GALNT10: variants seen among roughly 807,000 people sequenced by gnomAD.
GALNT10 encodes the protein polypeptide N-acetylgalactosaminyltransferase 10, also known as GalNAc transferase 10.
In GALNT10, 41 loss-of-function variants were observed where a neutral mutation model predicts 75.0. The ratio of observed to expected loss-of-function variants is 0.55; its 90% confidence interval spans 0.43 to 0.71. The LOEUF (loss-of-function observed/expected upper bound fraction) is 0.71. Ranked by LOEUF, GALNT10 falls within the 30% of genes least tolerant of loss-of-function variation. The pLI is 0.00. For synonymous variants in GALNT10, 302 were observed against 313.0 expected (o/e 0.96, Z 0.37); for missense variants, 727 against 818.5 (o/e 0.89, Z 1.36).
chr5:154,390,472 TGGA>T (rs934037559), intron 7 of GALNT10, among the ~76,000 whole-genome samples: 4 of 152,266 alleles, frequency 2.6e-5, no homozygotes, highest in Non-Finnish European at 5.9e-5. Context: ...AATACTACGT[TGGA>T]GGAGTCTGAG....
At chr5:154,236,890 A>G (rs1753256343) in intron 1 of GALNT10, among the ~76,000 whole-genome samples, 1 of 152,136 alleles carries the variant, frequency 6.6e-6, no homozygotes, top group South Asian at 2.1e-4. Flanking sequence ...TCCACATACC[A>G]CAGTTGGAAG....
intron 1 of GALNT10, among the ~76,000 whole-genome samples, chr5:154,226,403 A>G (rs774013562): frequency 2.4e-4 from 37 of 152,198 alleles, no homozygotes; most frequent in Non-Finnish European, 4.6e-4. Context: ...TCTTGATAGC[A>G]AACTCTCCAT....
At chr5:154,207,910 A>G (rs1291825882) in intron 1 of GALNT10, among the ~76,000 whole-genome samples, 1 of 152,168 alleles carries the variant, frequency 6.6e-6, no homozygotes, top group Non-Finnish European at 1.5e-5. Flanking sequence ...TTGGGTGACC[A>G]GATTTGCTTT....
chr5:154,337,150 G>C (rs1467088107), intron 4 of GALNT10, among the ~76,000 whole-genome samples: 1 of 151,966 alleles, frequency 6.6e-6, no homozygotes. Flanking sequence ...TTTATTCAGC[G>C]TCATGATCAG....
At chr5:154,366,200 G>A (rs1459439392) in intron 4 of GALNT10, among the ~76,000 whole-genome samples, 1 of 152,200 alleles carries the variant, frequency 6.6e-6, no homozygotes, top group Non-Finnish European at 1.5e-5. Flanking sequence ...CTGTCTTCTT[G>A]TAGTCAGCCT....
At chr5:154,332,810 C>T (rs1754887160) in intron 4 of GALNT10, among the ~76,000 whole-genome samples, 1 of 152,146 alleles carries the variant, frequency 6.6e-6, no homozygotes, top group Non-Finnish European at 1.5e-5. Flanking sequence ...TTTTCAGGCT[C>T]GGGTCCCTGT....
intron 4 of GALNT10, among the ~76,000 whole-genome samples, chr5:154,341,626 C>T (rs1353665500): frequency 6.6e-6 from 1 of 152,198 alleles, no homozygotes; most frequent in Non-Finnish European, 1.5e-5. Context: ...AGAGCCTCCA[C>T]ACCAGCTAGC....
At chr5:154,338,462 G>C in intron 4 of GALNT10, 1 of 297,596 alleles carries the variant, frequency 3.4e-6, no homozygotes, top group South Asian at 3.9e-5. Context: ...TGATGGCAGT[G>C]GGAGGAGACT....
chr5:154,324,630 G>A (rs1469541095), intron 3 of GALNT10, among the ~76,000 whole-genome samples: 3 of 152,188 alleles, frequency 2.0e-5, no homozygotes, highest in African/African-American at 7.2e-5. Flanking sequence ...TCTCAAATTT[G>A]AGTGGGCATC....
At chr5:154,241,381 C>T (rs60044600) in intron 1 of GALNT10, among the ~76,000 whole-genome samples, 1 of 152,130 alleles carries the variant, frequency 6.6e-6, no homozygotes, top group East Asian at 1.9e-4. Context: ...AGAAAGTTCA[C>T]GAAATGCAGA....
intron 4 of GALNT10, among the ~76,000 whole-genome samples, chr5:154,335,926 C>T (rs11738498): frequency 0.16 from 23,911 of 152,110 alleles, 2,033 homozygotes; most frequent in Non-Finnish European, 0.19. Flanking sequence ...TACCATATGA[C>T]GTATAGCATC....
chr5:154,297,347 C>G lies in GALNT10; in HGVS notation c.263-594C>G, dbSNP rs527545275. On this transcript the variant is annotated intron_variant, in intron 2 of 11. Coordinates refer to ENST00000297107, the MANE Select transcript of GALNT10 (RefSeq NM_198321.4). Reference sequence around the variant, plus strand: ...ACAAAAATAAAATCAAAGCATCTTTCATCATTTATGGCAATTTTGATTTAC... The same window carrying G: ...ACAAAAATAAAATCAAAGCATCTTTGATCATTTATGGCAATTTTGATTTAC... Among the ~76,000 whole-genome samples the G allele has an allele frequency of 2.0e-5, 3 of 152,228 alleles. No homozygotes were observed. The South Asian group carries it at 6.2e-4, about 32-fold the overall frequency.
chr5:154,262,910 A>T (rs897217528), intron 1 of GALNT10, among the ~76,000 whole-genome samples: 3 of 152,138 alleles, frequency 2.0e-5, no homozygotes, highest in African/African-American at 7.2e-5. Flanking sequence ...TGAAAGACAC[A>T]TGGTAACTAG....
chr5:154,296,548 A>G (rs953477372), intron 2 of GALNT10, among the ~76,000 whole-genome samples: 1 of 152,210 alleles, frequency 6.6e-6, no homozygotes, highest in African/African-American at 2.4e-5. Flanking sequence ...AACGCTAACT[A>G]TGTGCCAGGC....
intron 3 of GALNT10, among the ~76,000 whole-genome samples, chr5:154,301,466 A>C (rs80290863): frequency 0.013 from 2,009 of 152,152 alleles, 15 homozygotes; most frequent in Non-Finnish European, 0.021. Flanking sequence ...ATGGGCATAC[A>C]ATATGTAATG....
At chr5:154,228,699 T>C (rs982542483) in intron 1 of GALNT10, among the ~76,000 whole-genome samples, 14 of 152,250 alleles carry the variant, frequency 9.2e-5, no homozygotes, top group Admixed American at 9.2e-4. Flanking sequence ...CCCAATTGTA[T>C]GTGGGTGGTG....
chr5:154,319,358 T>C (rs1350869096), intron 3 of GALNT10, among the ~76,000 whole-genome samples: 1 of 152,252 alleles, frequency 6.6e-6, no homozygotes, highest in Non-Finnish European at 1.5e-5. Flanking sequence ...TGTTTGCTAT[T>C]GCCAGTTTTC....
rs150142367 is a variant in GALNT10 at position 154,257,540 on chromosome 5, G to A, written c.160-37276G>A. ...GCTTCTGTAACTGAAAAGATGGCAC[G>A]TGCCTATAATCCCAGCTACTGGGGA... On this transcript the variant is annotated intron_variant, in intron 1 of 11. Transcript: ENST00000297107. Among the ~76,000 whole-genome samples, 82 of 152,150 alleles carry A rather than the reference G, an allele frequency of 5.4e-4. 2 individuals carry two copies. The East Asian group carries it at 0.015, about 27-fold the overall frequency.
At chr5:154,334,592 G>A (rs1754913914) in intron 4 of GALNT10, among the ~76,000 whole-genome samples, 1 of 152,200 alleles carries the variant, frequency 6.6e-6, no homozygotes, top group African/African-American at 2.4e-5. Flanking sequence ...AGAAAAATTA[G>A]TTATGTGGTA....
Sources: gnomAD v4.1 joint callset for allele counts (sites outside exome capture counted in the v4.1 genomes callset) on GRCh38, gnomAD v4.1.1 for gene constraint, MANE v1.5 for transcripts, NCBI Gene and HGNC (gene_info 2026-07-23, HGNC 2026-07-21) for gene names.